The following BRD9 variants were observed in gnomAD, a reference collection of about 807,000 sequenced individuals.
The protein encoded by BRD9 is bromodomain-containing protein 9.
In BRD9, 47 loss-of-function variants were observed where a neutral mutation model predicts 68.7. That is an observed-to-expected ratio of 0.68 (90% CI 0.54 to 0.87). BRD9 has a LOEUF of 0.87. BRD9 is among the 40% of genes least tolerant of loss of function. The probability of loss-of-function intolerance (pLI) is 0.00; values close to 1 mark genes in which losing one functional copy is unlikely to be tolerated. For missense variants in BRD9, 670 were observed against 748.4 expected (o/e 0.90, Z 1.22); for synonymous variants, 313 against 293.9 (o/e 1.06, Z -0.67).
At chr5:884,904 T>C (rs1414045429) in intron 7 of BRD9, among the ~76,000 whole-genome samples, 1 of 152,254 alleles carries the variant, frequency 6.6e-6, no homozygotes, top group Non-Finnish European at 1.5e-5. Context: ...GGTGACTGCC[T>C]GAGCTCGGCA....
intron 12 of BRD9, among the ~76,000 whole-genome samples, chr5:874,499 T>G (rs751819398): frequency 1.7e-4 from 26 of 152,216 alleles, no homozygotes; most frequent in African/African-American, 6.0e-4. Context: ...CCAGTGCTTT[T>G]TTATCAGACA....
intron 11 of BRD9, among the ~76,000 whole-genome samples, chr5:877,336 A>T (rs1409715106): frequency 6.6e-6 from 1 of 152,014 alleles, no homozygotes; most frequent in African/African-American, 2.4e-5. Context: ...CTGACTTATG[A>T]CCCCATCGTC....
At chr5:890,066 C>G in intron 3 of BRD9, 1 of 339,588 alleles carries the variant, frequency 2.9e-6, no homozygotes, top group Non-Finnish European at 5.8e-6. Context: ...CGTGGTGGTG[C>G]GTGCCTGTAG....
chr5:866,398 A>G (rs1749385554), intron 14 of BRD9: 1 of 152,294 alleles, frequency 6.6e-6, no homozygotes. Flanking sequence ...TCAGGGAATC[A>G]GTAGACAAAG....
intron 14 of BRD9, among the ~76,000 whole-genome samples, chr5:867,290 C>A (rs986727939): frequency 3.3e-5 from 5 of 152,234 alleles, no homozygotes; most frequent in Non-Finnish European, 5.9e-5. Flanking sequence ...AGGCAGAAGT[C>A]TGCTGCAGGG....
chr5:884,026 C>G lies in BRD9; in HGVS notation c.878G>C (p.Ser293Thr). 1 of 1,613,948 alleles carries G rather than the reference C, an allele frequency of 6.2e-7. No individual in the cohort carries two copies. The highest frequency in any genetic ancestry group is 8.5e-7 in the Non-Finnish European group (1 of 1,180,044). ...CGCCAGCACGTGCTCCTCTGCGGTA[C>G]TGTCCGTCAAGCTGCAGGCATTCCC... ...PEGNACSLTD[S>T]TAEEHVLALV... is the part of the protein sequence containing the mutation. The change falls in exon 8 of 16, where the codon AGT (serine) becomes ACT (threonine). Residue 293 changes from serine to threonine, a missense_variant. Physicochemically the swap from Ser to Thr is moderately conservative, Grantham distance 58. This residue lies in a region of BRD9 where 135 missense variants were observed against 141.2 expected (regional missense o/e 0.96). Transcript: ENST00000467963.
chr5:870,326 A>T (rs1749954806), intron 14 of BRD9, 147 bp downstream of exon 14: 2 of 639,922 alleles, frequency 3.1e-6, no homozygotes, highest in South Asian at 1.9e-5. Flanking sequence ...ATGGTCCAAA[A>T]ACCTGGGACA....
chr5:887,383 G>C lies in BRD9; in HGVS notation c.695C>G (p.Ala232Gly). ...YYKLAKKILH[A>G]GFKMMSKQAA... is the part of the protein sequence containing the mutation. ...TACTTTGCTCATCATCTTAAAGCCTGCGTGAAGGATCTTCTTCGCCAACTT... is the reference window on the plus strand; with the variant it reads ...TACTTTGCTCATCATCTTAAAGCCTCCGTGAAGGATCTTCTTCGCCAACTT... The change falls in exon 6 of 16, where the codon GCA becomes GGA. Residue 232 changes from alanine to glycine, a missense_variant. Transcript: ENST00000467963. 1.2e-6 allele frequency: 2 copies of C among 1,613,326 alleles called. No homozygotes were observed. Among genetic ancestry groups the C allele is most frequent in the Non-Finnish European group, 1.7e-6 (2 of 1,179,272 alleles).
intron 15 of BRD9, 111 bp downstream of exon 15, chr5:865,303 C>T (rs1488359673): frequency 1.5e-6 from 2 of 1,369,838 alleles, no homozygotes; most frequent in Non-Finnish European, 2.0e-6. Context: ...CACCGCTGCC[C>T]ATGCAGCCTC....
At position 891,760 on chromosome 5, in the gene BRD9, G is replaced by A. The variant is rs892604491; in HGVS notation, c.147C>T (p.Ser49=). 5.8e-5 allele frequency: 90 copies of A among 1,551,556 alleles called. No individual in the cohort carries two copies. The highest frequency in any genetic ancestry group is 7.3e-5 in the East Asian group (3 of 40,936). ...VTELSGSGHD[S]SYYDDRSDHE... Reference sequence around the variant, plus strand: ...GGTCTGACCTGTCATCATAGTAACTGGAGTCGTGGCCGGATCCTGAGAGTT... The same window carrying A: ...GGTCTGACCTGTCATCATAGTAACTAGAGTCGTGGCCGGATCCTGAGAGTT... Residue 49 remains serine, a synonymous_variant, in exon 2 of 16, where the codon TCC becomes TCT. Transcript: ENST00000467963.
chr5:891,254 A>T lies in BRD9; in HGVS notation c.301T>A (p.Cys101Ser). The T allele has an allele frequency of 6.4e-7, 1 of 1,551,764 alleles. No homozygotes were observed. The highest frequency in any genetic ancestry group is 8.7e-7 in the Non-Finnish European group (1 of 1,146,998). ...EKKRKREREH[C>S]DTEGEADDFD... ...TCGTCAGCCTCTCCCTCCGTGTCAC[A>T]GTGCTCCCTCTCTCGCTTCCGCTTC... The change falls in exon 3 of 16, where the codon TGT (cysteine) becomes AGT (serine). Residue 101 changes from cysteine (C) to serine (S), a missense_variant. Coordinates refer to ENST00000467963, the MANE Select transcript of BRD9 (RefSeq NM_023924.5).
chr5:887,338 G>A (rs560080716), intron 6 of BRD9, 23 bp downstream of exon 6: 22 of 1,580,346 alleles, frequency 1.4e-5, no homozygotes, highest in East Asian at 6.7e-5. Context: ...TCCGTAGCTC[G>A]CTGCTGCCAG....
intron 7 of BRD9, among the ~76,000 whole-genome samples, chr5:884,729 G>C (rs1450381101): frequency 6.6e-6 from 1 of 152,264 alleles, no homozygotes; most frequent in East Asian, 1.9e-4. Context: ...TGCAGGCCCA[G>C]GACAAGCCCT....
chr5:878,226 C>G, intron 11 of BRD9, 129 bp downstream of exon 11: 1 of 1,356,300 alleles, frequency 7.4e-7, no homozygotes, highest in South Asian at 1.3e-5. Flanking sequence ...ACGGGAAGAC[C>G]CAGGCTGCCA....
At chr5:870,748 G>A (rs1750021485) in intron 13 of BRD9, among the ~76,000 whole-genome samples, 173 bp from the exon 14 acceptor site, 1 of 152,226 alleles carries the variant, frequency 6.6e-6, no homozygotes, top group African/African-American at 2.4e-5. Context: ...GGACTGTCAG[G>A]TTGGAGCTCA....
chr5:867,142 G>C (rs904459539), intron 14 of BRD9, among the ~76,000 whole-genome samples: 1 of 152,202 alleles, frequency 6.6e-6, no homozygotes, highest in South Asian at 2.1e-4. Context: ...TAAAAGGGTC[G>C]ATGCTTCAGA....
chr5:871,537 C>G lies in BRD9; in HGVS notation c.1411G>C (p.Asp471His). The part of the protein sequence containing the change: ...QRRNVPMKPP[D>H]EAKVGDTLGD... ...GTTCAAAAACTTACCTTGGCTTCAT[C>G]TGGAGGCTTCATGGGAACATTTCTT... The change falls in exon 13 of 16, where the codon GAT (aspartate) becomes CAT (histidine). Residue 471 changes from aspartate to histidine, a missense_variant. Asp to His is a moderately conservative substitution (Grantham distance 81). Transcript: ENST00000467963. 6.2e-7 allele frequency: 1 copy of G among 1,614,188 alleles called. No individual in the cohort carries two copies. Among genetic ancestry groups the G allele is most frequent in the Non-Finnish European group, 8.5e-7 (1 of 1,179,984 alleles).
At chr5:876,793 A>G (rs1158418955) in intron 11 of BRD9, among the ~76,000 whole-genome samples, 1 of 152,256 alleles carries the variant, frequency 6.6e-6, no homozygotes, top group Non-Finnish European at 1.5e-5. Flanking sequence ...AGACCTTCAC[A>G]GAGAGGAACA....
At chr5:870,218 G>A (rs983704262) in intron 14 of BRD9, 9 of 436,540 alleles carry the variant, frequency 2.1e-5, no homozygotes, top group African/African-American at 1.6e-4. Flanking sequence ...ACTGGGGATC[G>A]GCCAGACCCC....
Sources: allele counts gnomAD v4.1 joint callset (sites outside exome capture counted in the v4.1 genomes callset), GRCh38; gene constraint gnomAD v4.1.1; regional missense constraint gnomAD v4.1.1; transcripts MANE v1.5; gene names NCBI Gene and HGNC (gene_info 2026-07-23, HGNC 2026-07-21).